The following GSTA1 variants were observed in gnomAD, a reference collection of about 807,000 sequenced individuals.
GSTA1 encodes the protein glutathione S-transferase alpha 1, also known as glutathione S-transferase A1.
In GSTA1, 23 loss-of-function variants were observed where a neutral mutation model predicts 21.5. The observed-to-expected ratio is 1.07, with a 90% CI of 0.77 to 1.52. The LOEUF (loss-of-function observed/expected upper bound fraction) is 1.52. GSTA1 is among the 40% of genes most tolerant of loss of function. The probability of loss-of-function intolerance (pLI) is 0.00; values close to 1 mark genes in which losing one functional copy is unlikely to be tolerated. For synonymous variants in GSTA1, 125 were observed against 90.0 expected (o/e 1.39, Z -2.20); for missense variants, 301 against 264.2 (o/e 1.14, Z -0.96).
chr6:52,801,333 A>G (rs535652278), intron 1 of GSTA1, among the ~76,000 whole-genome samples: 1 of 152,368 alleles, frequency 6.6e-6, no homozygotes, highest in East Asian at 1.9e-4. Flanking sequence ...CTGTTTTGTC[A>G]TGAGATATTT....
intron 6 of GSTA1, 135 bp downstream of exon 6, chr6:52,792,721 A>C (rs1429489623): frequency 6.3e-7 from 1 of 1,597,024 alleles, no homozygotes; most frequent in Non-Finnish European, 8.5e-7. Context: ...GGAGCCTGGA[A>C]GCTCATTTTG....
Position 52,794,147 on chromosome 6 carries a change from C to T in GSTA1, c.392G>A (p.Arg131His), listed in dbSNP as rs374431368. 4.6e-5 allele frequency: 75 copies of T among 1,613,770 alleles called. No homozygotes were observed. The Middle Eastern group carries it at 8.2e-4, about 18-fold the overall frequency. Residue 131 changes from arginine (R) to histidine (H), a missense_variant, in exon 5 of 7, where the codon CGC (arginine) becomes CAC (histidine). Transcript: ENST00000334575. The stretch of plus-strand genomic sequence containing the variant: ...TACTTTTTCAAAGGCAGGGAAGTAG[C>T]GATTTTTTATTTTCTCTTTGATCAA... ...LALIKEKIKN[R>H]YFPAFEKVLK... is the part of the protein sequence containing the mutation.
At position 52,791,637 on chromosome 6, in the gene GSTA1, C is replaced by T; in HGVS notation, c.*221G>A. ...TTTTTAATTCCAGGAAAATGGTTGG[C>T]TAGGAGAAGATTGGAAATCTGAATT... On this transcript the variant is annotated 3_prime_UTR_variant, in exon 7 of 7. Transcript: ENST00000334575. 1 of 493,172 alleles carries T rather than the reference C, an allele frequency of 2.0e-6. No homozygotes were observed. The highest frequency in any genetic ancestry group is 3.8e-5 in the East Asian group (1 of 26,468). The allele number at this position is 493,172 out of a possible 1,614,324, so 30.5% of individuals were successfully genotyped here.
chr6:52,802,425 G>A (rs114230937), intron 1 of GSTA1, among the ~76,000 whole-genome samples: 2,603 of 152,238 alleles, frequency 0.017, 32 homozygotes, highest in Non-Finnish European at 0.024. Flanking sequence ...AATAGAGATA[G>A]TTATTTCTAC....
intron 1 of GSTA1, 121 bp downstream of exon 1, chr6:52,803,664 G>C (rs1002185317): frequency 5.9e-6 from 1 of 170,808 alleles, no homozygotes; most frequent in Non-Finnish European, 1.3e-5. Flanking sequence ...CACCAAGACG[G>C]CACAATATGA....
intron 2 of GSTA1, among the ~76,000 whole-genome samples, chr6:52,798,899 T>C (rs1362125093): frequency 2.0e-5 from 3 of 152,256 alleles, no homozygotes; most frequent in Non-Finnish European, 2.9e-5. Context: ...TTTCTAATTG[T>C]ATAAATGCTA....
Position 52,792,964 on chromosome 6 carries a change from G to C in GSTA1, c.438C>G (p.Asp146Glu), listed in dbSNP as rs571549090. Reference protein sequence around the residue: ...FEKVLKSHGQDYLVGNKLSRA... With the variant: ...FEKVLKSHGQEYLVGNKLSRA... Reference sequence around the variant, plus strand: ...GGCTCAGCTTGTTGCCAACAAGGTAGTCTTGTCCATGGCTCTTTAAGACCT... The same window carrying C: ...GGCTCAGCTTGTTGCCAACAAGGTACTCTTGTCCATGGCTCTTTAAGACCT... Residue 146 changes from aspartate to glutamate, a missense_variant, in exon 6 of 7, where the codon GAC becomes GAG. Physicochemically the swap from Asp to Glu is conservative, Grantham distance 45. Coordinates refer to ENST00000334575, the MANE Select transcript of GSTA1 (RefSeq NM_145740.5). 16 of 1,613,996 alleles carry C rather than the reference G, an allele frequency of 9.9e-6. No homozygotes were observed. The highest frequency in any genetic ancestry group is 1.3e-5 in the Non-Finnish European group (15 of 1,180,008).
chr6:52,801,414 T>C (rs1356484268), intron 1 of GSTA1, among the ~76,000 whole-genome samples: 1 of 152,208 alleles, frequency 6.6e-6, no homozygotes. Flanking sequence ...TAGCATAATT[T>C]GACAGAGTGA....
intron 1 of GSTA1, among the ~76,000 whole-genome samples, chr6:52,799,939 A>G (rs967120732): frequency 2.0e-5 from 3 of 152,224 alleles, no homozygotes; most frequent in Non-Finnish European, 2.9e-5. Flanking sequence ...CTGTGAGACT[A>G]CATTTGATCA....
intron 3 of GSTA1, among the ~76,000 whole-genome samples, chr6:52,797,067 G>A (rs1169410120): frequency 6.6e-6 from 1 of 152,166 alleles, no homozygotes; most frequent in East Asian, 1.9e-4. Context: ...AGTTCCCAGA[G>A]TAAGTCTCAT....
chr6:52,800,674 A>G (rs1253001443), intron 1 of GSTA1, among the ~76,000 whole-genome samples: 3 of 152,202 alleles, frequency 2.0e-5, no homozygotes, highest in Non-Finnish European at 2.9e-5. Context: ...CTGCAGGGAC[A>G]GATGCAACTA....
At chr6:52,792,086 T>C in intron 6 of GSTA1, 106 bp from the exon 7 acceptor site, 3 of 1,501,152 alleles carry the variant, frequency 2.0e-6, no homozygotes, top group Non-Finnish European at 2.7e-6. Flanking sequence ...GTGAGTCTGC[T>C]CCATCAGCAC....
rs368967369 is a variant in GSTA1 at position 52,794,209 on chromosome 6, G to A, written c.330C>T (p.Pro110=). The A allele has an allele frequency of 7.4e-5, 120 of 1,613,564 alleles. No homozygotes were observed. Among genetic ancestry groups the A allele is most frequent in the African/African-American group, 3.9e-4 (29 of 74,856 alleles). Reference sequence around the variant, plus strand: ...CATCTTTTTCCTCAGGTGGACATACGGGCAGAAGGAGGATCATTTCACCCA... The same window carrying A: ...CATCTTTTTCCTCAGGTGGACATACAGGCAGAAGGAGGATCATTTCACCCA... The part of the protein sequence containing the change: ...ADLGEMILLL[P]VCPPEEKDAK... Residue 110 remains proline, a synonymous_variant, in exon 5 of 7, where the codon CCC becomes CCT. Transcript: ENST00000334575.
chr6:52,796,218 T>C lies in GSTA1; in HGVS notation c.236A>G (p.Tyr79Cys). Residue 79 changes from tyrosine (Y) to cysteine (C), a missense_variant, in exon 4 of 7, where the codon TAC becomes TGC. Transcript: ENST00000334575. ...CTTTATGTCTTTCCCATAGAGGTTG[T>C]ATTTGCTGGCAATGTAGTTGAGAAT... is the stretch of plus-strand genomic sequence containing the variant. ...RAILNYIASKYNLYGKDIKER... is the reference protein window; with the variant it reads ...RAILNYIASKCNLYGKDIKER... The C allele has an allele frequency of 6.2e-7, 1 of 1,613,906 alleles. No homozygotes were observed. Among genetic ancestry groups the C allele is most frequent in the Non-Finnish European group, 8.5e-7 (1 of 1,179,958 alleles).
chr6:52,796,333 A>T lies in GSTA1; in HGVS notation c.140-19T>A. On this transcript the variant is annotated intron_variant, in intron 3 of 6. Transcript: ENST00000334575. ...TATCCATCTTTAGAAGGAAGAAAAA[A>T]AAGGAGAGTGAAGTGTCTATGAAAC... is the stretch of plus-strand genomic sequence containing the variant. 1 of 1,613,730 alleles carries T rather than the reference A, an allele frequency of 6.2e-7. No homozygotes were observed. Among genetic ancestry groups the T allele is most frequent in the Non-Finnish European group, 8.5e-7 (1 of 1,179,936 alleles).
chr6:52,792,827 C>T (rs1019383012), intron 6 of GSTA1, 29 bp downstream of exon 6: 1 of 1,613,490 alleles, frequency 6.2e-7, no homozygotes. Context: ...AGATGTGGGG[C>T]TGCCTCTCTG....
In GSTA1 at chr6:52,796,231, T is replaced by G; in HGVS notation, c.223A>C (p.Ile75Leu). ...LVQTRAILNY[I>L]ASKYNLYGKD... ...CCATAGAGGTTGTATTTGCTGGCAATGTAGTTGAGAATGGCTCTGGTCTGC... is the reference window on the plus strand; with the variant it reads ...CCATAGAGGTTGTATTTGCTGGCAAGGTAGTTGAGAATGGCTCTGGTCTGC... Residue 75 changes from isoleucine (I) to leucine (L), a missense_variant, in exon 4 of 7, where the codon ATT becomes CTT. Coordinates refer to ENST00000334575, the MANE Select transcript of GSTA1 (RefSeq NM_145740.5). 6.2e-7 allele frequency: 1 copy of G among 1,613,810 alleles called. No individual in the cohort carries two copies. The highest frequency in any genetic ancestry group is 1.1e-5 in the South Asian group (1 of 91,062).
At position 52,797,607 on chromosome 6, in the gene GSTA1, C is replaced by G; in HGVS notation, c.118G>C (p.Asp40His). 6.2e-7 allele frequency: 1 copy of G among 1,608,096 alleles called. No individual in the cohort carries two copies. The highest frequency in any genetic ancestry group is 8.5e-7 in the Non-Finnish European group (1 of 1,174,912). Residue 40 changes from aspartate to histidine, a missense_variant, in exon 3 of 7, where the codon GAT becomes CAT. Asp to His is a moderately conservative substitution (Grantham distance 81). Transcript: ENST00000334575. Reference protein sequence around the residue: ...FEEKFIKSAEDLDKLRNDGYL... With the variant: ...FEEKFIKSAEHLDKLRNDGYL... Reference sequence around the variant, plus strand: ...TTACCATTTCTTAACTTGTCCAAATCTTCTGCAGATTTTATAAATTTCTCT... The same window carrying G: ...TTACCATTTCTTAACTTGTCCAAATGTTCTGCAGATTTTATAAATTTCTCT...
At chr6:52,792,508 G>T (rs1194146008) in intron 6 of GSTA1, among the ~76,000 whole-genome samples, 1 of 152,134 alleles carries the variant, frequency 6.6e-6, no homozygotes, top group Non-Finnish European at 1.5e-5. Context: ...AAAGGGCTCT[G>T]CTCAGACCGG....
Sources: gnomAD v4.1 joint callset for allele counts (sites outside exome capture counted in the v4.1 genomes callset) on GRCh38, gnomAD v4.1.1 for gene constraint, MANE v1.5 for transcripts, NCBI Gene and HGNC (gene_info 2026-07-23, HGNC 2026-07-21) for gene names.